Variants in CACNB3 observed in about 807,000 individuals in gnomAD.
The protein encoded by CACNB3 is voltage-dependent L-type calcium channel subunit beta-3.
Under a neutral mutation model 63.7 loss-of-function variants are expected in CACNB3, and 36 were observed. The observed-to-expected ratio is 0.57, with a 90% CI of 0.43 to 0.75. The LOEUF is 0.75. Among genes scored for constraint, CACNB3 ranks in the 30% least tolerant of loss-of-function variants. The probability of loss-of-function intolerance (pLI) is 0.00; values close to 1 mark genes in which losing one functional copy is unlikely to be tolerated. For synonymous variants in CACNB3, 241 were observed against 250.6 expected (o/e 0.96, Z 0.36); for missense variants, 493 against 648.6 (o/e 0.76, Z 2.61).
chr12:48,824,554 C>A, intron 4 of CACNB3, 115 bp from the exon 5 acceptor site: 2 of 1,137,786 alleles, frequency 1.8e-6, no homozygotes, highest in Non-Finnish European at 2.6e-6. Flanking sequence ...GCATGTACAC[C>A]TGTCTCACTA....
chr12:48,818,857 C>T lies in CACNB3; in HGVS notation c.-73C>T. ...CTCGGTGGCATCTCCCGGGCGCGGC[C>T]CGCAGTCCTTGCCCCTGCCTCCGGG... On this transcript the variant is annotated 5_prime_UTR_variant, in exon 1 of 13. Coordinates refer to ENST00000301050, the MANE Select transcript of CACNB3 (RefSeq NM_000725.4). This position sits in a 1 kb window ranked among gnomAD's most constrained non-coding sequence, Gnocchi z 4.3. The T allele has an allele frequency of 6.7e-7, 1 of 1,489,714 alleles. No homozygotes were observed. The highest frequency in any genetic ancestry group is 1.5e-5 in the African/African-American group (1 of 68,346). The allele number at this position is 1,489,714 out of a possible 1,614,324, so 92.3% of individuals were successfully genotyped here. A position where few individuals can be genotyped will look rare whatever the true frequency, so the allele number is the denominator to read the frequency against.
In CACNB3 at chr12:48,823,295, G is replaced by A. The variant is rs1268160243; in HGVS notation, c.46-49G>A. ...GTAAGGTGAGGAGGGTGCCTCCATG[G>A]CATCCTTCATGCCGGAGCCTGGGAG... On this transcript the variant is annotated intron_variant, in intron 1 of 12. Transcript: ENST00000301050. The surrounding 1 kb of genome is among the most constrained non-coding windows in gnomAD (Gnocchi z 4.2). 3 of 1,600,006 alleles carry A rather than the reference G, an allele frequency of 1.9e-6. No homozygotes were observed. The highest frequency in any genetic ancestry group is 4.5e-5 in the East Asian group (2 of 44,808).
chr12:48,815,930 A>G (rs554501403), upstream of CACNB3, among the ~76,000 whole-genome samples: 13 of 152,244 alleles, frequency 8.5e-5, no homozygotes, highest in South Asian at 2.7e-3. Context: ...GCAGCTTCCT[A>G]GTACTGGGAT....
At chr12:48,827,510 G>T in intron 12 of CACNB3, 75 bp from the exon 13 acceptor site, 1 of 1,339,720 alleles carries the variant, frequency 7.5e-7, no homozygotes, top group Non-Finnish European at 1.0e-6. Flanking sequence ...GTTGAGGGGG[G>T]AAGAATCTCG....
At position 48,824,852 on chromosome 12, in the gene CACNB3, G is replaced by A. The variant is rs537855836; in HGVS notation, c.473-97G>A. ...TTTGTGGAGGGATTGGAAGGGGTGG[G>A]GAGAAGCCAGTATCTCCCCTGGGGA... is the stretch of plus-strand genomic sequence containing the variant. On this transcript the variant is annotated intron_variant, in intron 5 of 12. Coordinates refer to ENST00000301050, the MANE Select transcript of CACNB3 (RefSeq NM_000725.4). 7.2e-5 allele frequency: 111 copies of A among 1,532,062 alleles called. 1 individual carries two copies. The South Asian group carries it at 8.2e-4, about 11-fold the overall frequency. The allele number at this position is 1,532,062 out of a possible 1,614,324, so 94.9% of individuals were successfully genotyped here.
In CACNB3 at chr12:48,826,016, G is replaced by A. The variant is rs3782359; in HGVS notation, c.742+247G>A. ...GCTAATTTTTGCATTTTTAGTAGAC[G>A]TGGGGTTTCACCATGTTGGCCAGGC... On this transcript the variant is annotated intron_variant, in intron 9 of 12. Coordinates refer to ENST00000301050, the MANE Select transcript of CACNB3 (RefSeq NM_000725.4). This position sits in a 1 kb window ranked among gnomAD's most constrained non-coding sequence, Gnocchi z 4.8. 5.9e-5 allele frequency among the ~76,000 whole-genome samples: 9 copies of A among 152,092 alleles called. No homozygotes were observed. The East Asian group carries it at 7.8e-4, about 13-fold the overall frequency.
At position 48,818,758 on chromosome 12, in the gene CACNB3, A is replaced by G; in HGVS notation, c.-172A>G. On this transcript the variant is annotated 5_prime_UTR_variant, in exon 1 of 13. Transcript: ENST00000301050. This position sits in a 1 kb window ranked among gnomAD's most constrained non-coding sequence, Gnocchi z 4.3. ...GGGGGGAGCGGTGATCTGAGCTCCG[A>G]GCAGCTGGTCTTCGCGGCTCGCTCC... The G allele has an allele frequency of 7.5e-7, 1 of 1,336,220 alleles. No individual in the cohort carries two copies. The highest frequency in any genetic ancestry group is 9.6e-7 in the Non-Finnish European group (1 of 1,043,986). 82.8% of individuals were successfully genotyped at this position (1,336,220 alleles called of 1,614,324 possible). A position where few individuals can be genotyped will look rare whatever the true frequency, so the allele number is the denominator to read the frequency against.
chr12:48,823,858 C>T lies in CACNB3; in HGVS notation c.291+55C>T. ...CTAACTTCATTTTCTTGCTCTTGCT[C>T]CAGATCCTAATGCTTCTGACTTGAA... On this transcript the variant is annotated intron_variant, in intron 3 of 12. Transcript: ENST00000301050. This position sits in a 1 kb window ranked among gnomAD's most constrained non-coding sequence, Gnocchi z 4.2. 3.7e-6 allele frequency: 6 copies of T among 1,609,354 alleles called. No individual in the cohort carries two copies. Among genetic ancestry groups the T allele is most frequent in the Admixed American group, 1.7e-5 (1 of 59,562 alleles).
At chr12:48,819,358 C>T (rs570333196) in intron 1 of CACNB3, among the ~76,000 whole-genome samples, 7 of 152,206 alleles carry the variant, frequency 4.6e-5, no homozygotes, top group Admixed American at 4.6e-4. Context: ...GCTAGGAGAG[C>T]CGCCGAGGTG....
chr12:48,824,355 A>G lies in CACNB3; in HGVS notation c.389A>G (p.Lys130Arg), dbSNP rs776497853. Residue 130 changes from lysine (K) to arginine (R), a missense_variant, in exon 4 of 13, where the codon AAA becomes AGA. Lys to Arg is a conservative substitution (Grantham distance 26). Coordinates refer to ENST00000301050, the MANE Select transcript of CACNB3 (RefSeq NM_000725.4). ...SPQRLESIRL[K>R]QEQKARRSGN... is the part of the protein sequence containing the mutation. ...CAGCGCCTGGAGAGCATCCGGCTCA[A>G]ACAGGAGCAGAAGGCCAGGTGAGAG... is the stretch of plus-strand genomic sequence containing the variant. The G allele has an allele frequency of 5.3e-5, 85 of 1,608,758 alleles. No individual in the cohort carries two copies. Among genetic ancestry groups the G allele is most frequent in the Non-Finnish European group, 7.1e-5 (84 of 1,178,026 alleles).
Position 48,823,879 on chromosome 12 carries a change from T to A in CACNB3, c.291+76T>A. On this transcript the variant is annotated intron_variant, in intron 3 of 12. Coordinates refer to ENST00000301050, the MANE Select transcript of CACNB3 (RefSeq NM_000725.4). The surrounding 1 kb of genome is among the most constrained non-coding windows in gnomAD (Gnocchi z 4.2). Reference sequence around the variant, plus strand: ...TGCTCCAGATCCTAATGCTTCTGACTTGAATCCTCAGTCTAATTCCCCAAG... The same window carrying A: ...TGCTCCAGATCCTAATGCTTCTGACATGAATCCTCAGTCTAATTCCCCAAG... 6.3e-7 allele frequency: 1 copy of A among 1,584,826 alleles called. No individual in the cohort carries two copies.
Position 48,828,817 on chromosome 12 carries a change from A to G in CACNB3, c.*918A>G, listed in dbSNP as rs773185932. On this transcript the variant is annotated 3_prime_UTR_variant, in exon 13 of 13. Transcript: ENST00000301050. ...AGGTTAGGGTTAGATGGGGAGAGAC[A>G]GGGCACAGAGGACCTGTCTCCCCGG... 2.2e-6 allele frequency: 1 copy of G among 454,862 alleles called. No homozygotes were observed. Among genetic ancestry groups the G allele is most frequent in the South Asian group, 1.6e-5 (1 of 64,446 alleles). 28.2% of individuals were successfully genotyped at this position (454,862 alleles called of 1,614,324 possible).
chr12:48,815,556 C>T, upstream of CACNB3: 2 of 1,500,366 alleles, frequency 1.3e-6, no homozygotes, highest in South Asian at 1.3e-5. Flanking sequence ...AGGGAGCAGG[C>T]GGCGGAGCCC....
intron 3 of CACNB3, 82 bp from the exon 4 acceptor site, chr12:48,824,176 T>G: frequency 8.7e-7 from 1 of 1,151,974 alleles, no homozygotes; most frequent in Non-Finnish European, 1.2e-6. Context: ...AGTGACTGCC[T>G]CGCTGGCTCC....
chr12:48,826,415 T>G lies in CACNB3; in HGVS notation c.791T>G (p.Leu264Arg). 6.2e-7 allele frequency: 1 copy of G among 1,614,196 alleles called. No individual in the cohort carries two copies. The highest frequency in any genetic ancestry group is 8.5e-7 in the Non-Finnish European group (1 of 1,180,030). Residue 264 changes from leucine (L) to arginine (R), a missense_variant, in exon 10 of 13, where the codon CTG becomes CGG. Coordinates refer to ENST00000301050, the MANE Select transcript of CACNB3 (RefSeq NM_000725.4). The surrounding 1 kb of genome is among the most constrained non-coding windows in gnomAD (Gnocchi z 4.8). ...CGCATATTTGAGCTGGCCAAATCCC[T>G]GCAGCTAGTAGTGTTGGACGCTGAC... is the stretch of plus-strand genomic sequence containing the variant. ...IERIFELAKSLQLVVLDADTI... is the reference protein window; with the variant it reads ...IERIFELAKSRQLVVLDADTI...
At position 48,820,644 on chromosome 12, in the gene CACNB3, A is replaced by G. The variant is rs1448156315; in HGVS notation, c.45+1670A>G. ...CTGTGCCAACTCCTGGCAGCTCCAAAGTACTGAAACTCTGGCTATTTTGGC... is the reference window on the plus strand; with the variant it reads ...CTGTGCCAACTCCTGGCAGCTCCAAGGTACTGAAACTCTGGCTATTTTGGC... On this transcript the variant is annotated intron_variant, in intron 1 of 12. Coordinates refer to ENST00000301050, the MANE Select transcript of CACNB3 (RefSeq NM_000725.4). The G allele has an allele frequency of 2.0e-5, 3 of 152,496 alleles. No homozygotes were observed. In the East Asian group the frequency reaches 5.8e-4, roughly 29 times the overall value. The allele number at this position is 152,496 out of a possible 1,614,324, so 9.4% of individuals were successfully genotyped here. A position where few individuals can be genotyped will look rare whatever the true frequency, so the allele number is the denominator to read the frequency against.
Position 48,826,610 on chromosome 12 carries a change from T to C in CACNB3, c.894+92T>C, listed in dbSNP as rs1438344699. ...TTGGTCCCTGCCTGGGGCACCTGAGTTCCCTTTTCCTGCTGCCCTTAACAC... is the reference window on the plus strand; with the variant it reads ...TTGGTCCCTGCCTGGGGCACCTGAGCTCCCTTTTCCTGCTGCCCTTAACAC... On this transcript the variant is annotated intron_variant, in intron 10 of 12. Transcript: ENST00000301050. This position sits in a 1 kb window ranked among gnomAD's most constrained non-coding sequence, Gnocchi z 4.8. 6.6e-7 allele frequency: 1 copy of C among 1,525,634 alleles called. No individual in the cohort carries two copies. The highest frequency in any genetic ancestry group is 1.7e-5 in the Admixed American group (1 of 59,040). The allele number at this position is 1,525,634 out of a possible 1,614,324, so 94.5% of individuals were successfully genotyped here.
Position 48,823,389 on chromosome 12 carries a change from G to A in CACNB3, c.91G>A (p.Val31Ile), listed in dbSNP as rs746949542. ...YTSRPSLDSDVSLEEDRESAR... is the reference protein window; with the variant it reads ...YTSRPSLDSDISLEEDRESAR... ...CAGCCGCCCATCTCTGGACTCAGAC[G>A]TCTCCCTGGAGGAGGACCGGGAGAG... is the stretch of plus-strand genomic sequence containing the variant. The change falls in exon 2 of 13, where the codon GTC becomes ATC. Residue 31 changes from valine to isoleucine, a missense_variant. Val to Ile is a conservative substitution (Grantham distance 29). Transcript: ENST00000301050. The surrounding 1 kb of genome is among the most constrained non-coding windows in gnomAD (Gnocchi z 4.2). 22 of 1,614,024 alleles carry A rather than the reference G, an allele frequency of 1.4e-5. No homozygotes were observed. The highest frequency in any genetic ancestry group is 1.6e-4 in the Middle Eastern group (1 of 6,082).
intron 1 of CACNB3, chr12:48,819,489 G>A: frequency 3.4e-6 from 1 of 291,556 alleles, no homozygotes; most frequent in Non-Finnish European, 6.9e-6. Context: ...AAAACTTGAG[G>A]AGCTCCATTA....
Sources: gnomAD v4.1 joint callset for allele counts (sites outside exome capture counted in the v4.1 genomes callset) on GRCh38, gnomAD v4.1.1 for gene constraint, Gnocchi (gnomAD v3.1) non-coding constraint, MANE v1.5 for transcripts, NCBI Gene and HGNC (gene_info 2026-07-23, HGNC 2026-07-21) for gene names.